Variants in DICER1 observed in about 807,000 individuals in gnomAD.
DICER1 encodes the protein endoribonuclease Dicer.
In DICER1, 43 loss-of-function variants were observed where a neutral mutation model predicts 194.1. That is an observed-to-expected ratio of 0.22 (90% CI 0.17 to 0.29). DICER1 has a LOEUF of 0.29. Among genes scored for constraint, DICER1 ranks in the 10% least tolerant of loss-of-function variants. The pLI, the probability that DICER1 is intolerant of heterozygous loss-of-function variation, is 1.00. For missense variants in DICER1, 1,608 were observed against 2,317.0 expected, an observed-to-expected ratio of 0.69 and a Z score of 6.28; for synonymous variants, 832 against 820.5, an observed-to-expected ratio of 1.01 and a Z score of -0.24.
At position 95,111,235 on chromosome 14, in the gene DICER1, C is replaced by G. The variant is rs1891925403; in HGVS notation, c.2256+82G>C. On this transcript the variant is annotated intron_variant, in intron 14 of 26. Transcript: ENST00000343455. ...AACTGTAAGGGTGTGGGAAGCCAGC[C>G]AAGCAGAGGAACTGAGATTTGATGT... is the stretch of plus-strand genomic sequence containing the variant. The G allele has an allele frequency of 9.0e-6, 14 of 1,560,368 alleles. No individual in the cohort carries two copies. The South Asian group carries it at 1.4e-4, about 16-fold the overall frequency.
At chr14:95,120,156 A>C (rs1002746939) in intron 8 of DICER1, among the ~76,000 whole-genome samples, 1 of 152,218 alleles carries the variant, frequency 6.6e-6, no homozygotes, top group African/African-American at 2.4e-5. Context: ...GGTTATTGAA[A>C]TACATTATCA....
intron 1 of DICER1, among the ~76,000 whole-genome samples, chr14:95,143,023 T>C (rs1341857284): frequency 2.0e-5 from 3 of 152,184 alleles, no homozygotes; most frequent in Non-Finnish European, 4.4e-5. Flanking sequence ...AATATTACCA[T>C]CCAGATTTCA....
chr14:95,132,686 A>G lies in DICER1; in HGVS notation c.145-9T>C, dbSNP rs763327342. 1.2e-6 allele frequency: 2 copies of G among 1,613,476 alleles called. No individual in the cohort carries two copies. Among genetic ancestry groups the G allele is most frequent in the Non-Finnish European group, 8.5e-7 (1 of 1,179,632 alleles). On this transcript the variant is annotated splice_polypyrimidine_tract_variant and intron_variant, in intron 2 of 26. Coordinates refer to ENST00000343455, the MANE Select transcript of DICER1 (RefSeq NM_177438.3). The stretch of plus-strand genomic sequence containing the variant: ...GCTTCAAGCAGTTCAACCTAGAAAC[A>G]TGGTGAAAAAAAAGTTATGCACTTC...
intron 1 of DICER1, among the ~76,000 whole-genome samples, chr14:95,156,617 C>T (rs1895886778): frequency 6.6e-6 from 1 of 152,240 alleles, no homozygotes; most frequent in African/African-American, 2.4e-5. Context: ...AAGAAAGGGT[C>T]CTCCGCAGGG....
At chr14:95,108,695 C>T (rs987397624) in intron 14 of DICER1, among the ~76,000 whole-genome samples, 192 bp from the exon 15 acceptor site, 3 of 152,202 alleles carry the variant, frequency 2.0e-5, no homozygotes, top group African/African-American at 7.2e-5. Context: ...GACAGGGCTG[C>T]TGACGGTGGC....
rs545392797 is a variant in DICER1 at position 95,096,026 on chromosome 14, A to G, written c.4894T>C (p.Ser1632Pro). Residue 1632 changes from serine (S) to proline (P), a missense_variant, in exon 23 of 27, where the codon TCT (serine) becomes CCT (proline). Coordinates refer to ENST00000343455, the MANE Select transcript of DICER1 (RefSeq NM_177438.3). ...CCATATTCCGAGTCTTTCAATACAG[A>G]AGAGCGTGAACTGGCCACAGAAGCA... Reference protein sequence around the residue: ...AAASVASSRSSVLKDSEYGCL... With the variant: ...AAASVASSRSPVLKDSEYGCL... 14 of 1,614,224 alleles carry G rather than the reference A, an allele frequency of 8.7e-6. No homozygotes were observed. The Admixed American group carries it at 2.2e-4, about 25-fold the overall frequency.
Position 95,092,357 on chromosome 14 carries a change from A to AT in DICER1, c.5365-993dup, listed in dbSNP as rs1214332731. 2.6e-5 allele frequency among the ~76,000 whole-genome samples: 4 copies of AT among 152,174 alleles called. No homozygotes were observed. In the East Asian group the frequency reaches 7.7e-4, roughly 29 times the overall value. On this transcript the variant is annotated intron_variant, in intron 24 of 26. Coordinates refer to ENST00000343455, the MANE Select transcript of DICER1 (RefSeq NM_177438.3). ...TAGCATAATCAGGCAAATTTAACTA[A>AT]TTTTCTTCTTATTTACTTGTACTAA...
intron 13 of DICER1, 68 bp from the exon 14 acceptor site, chr14:95,111,524 A>C (rs2140069718): frequency 1.3e-6 from 2 of 1,531,956 alleles, no homozygotes; most frequent in Non-Finnish European, 1.8e-6. Flanking sequence ...AGAATTTAGA[A>C]CAGAACTATG....
Position 95,094,400 on chromosome 14 carries a change from C to T in DICER1, c.5096-244G>A, listed in dbSNP as rs140437317. ...AATCTTCAAGTGGTCAAAAGACTAA[C>T]GCTTGTTAAGAAGGAAAAACAAAAC... On this transcript the variant is annotated intron_variant, in intron 23 of 26. Transcript: ENST00000343455. Among the ~76,000 whole-genome samples the T allele has an allele frequency of 2.4e-4, 36 of 152,258 alleles. No individual in the cohort carries two copies. In the East Asian group the frequency reaches 6.2e-3, roughly 26 times the overall value.
rs12890241 is a variant in DICER1 at position 95,131,203 on chromosome 14, T to G, written c.438+306A>C. Among the ~76,000 whole-genome samples, 33,511 of 151,864 alleles carry G rather than the reference T, an allele frequency of 0.22. 4,074 individuals are homozygous for G. The highest frequency in any genetic ancestry group is 0.31 in the African/African-American group (12,900 of 41,368). On this transcript the variant is annotated intron_variant, in intron 4 of 26. Coordinates refer to ENST00000343455, the MANE Select transcript of DICER1 (RefSeq NM_177438.3). ...CCACGCCCGGCTAATTTTTTTATTG[T>G]TAGTAGAGACAGGGTTTCACCATAT...
intron 14 of DICER1, among the ~76,000 whole-genome samples, chr14:95,110,676 T>TA (rs1211403261): frequency 6.6e-6 from 1 of 152,246 alleles, no homozygotes; most frequent in East Asian, 1.9e-4. Context: ...TTGGGGTTCT[T>TA]ATGAGGTAAA....
In DICER1 at chr14:95,107,758, T is replaced by C. The variant is rs1595379417; in HGVS notation, c.2654A>G (p.Asn885Ser). 4 of 1,613,314 alleles carry C rather than the reference T, an allele frequency of 2.5e-6. No homozygotes were observed. The highest frequency in any genetic ancestry group is 2.5e-6 in the Non-Finnish European group (3 of 1,179,740). The change falls in exon 17 of 27, where the codon AAT becomes AGT. Residue 885 changes from asparagine (N) to serine (S), a missense_variant. Physicochemically the swap from Asn to Ser is conservative, Grantham distance 46. Transcript: ENST00000343455. ...AYCVLPLNVV[N>S]DSSTLDIDFK... The stretch of plus-strand genomic sequence containing the variant: ...GTCAATATCCAAAGTGCTGGAGTCA[T>C]TAACTTAGAAGAGAAAAACGACTCT...
In DICER1 at chr14:95,091,288, C is replaced by T. The variant is rs759875628; in HGVS notation, c.5442G>A (p.Ser1814=). The change falls in exon 25 of 27, where the codon TCG becomes TCA. Residue 1814 remains serine, a synonymous_variant. Coordinates refer to ENST00000343455, the MANE Select transcript of DICER1 (RefSeq NM_177438.3). ...TATCCATGTAAATGGCACCAGCAAGCGACTCAAAAATATCCCCCATGGCCT... is the reference window on the plus strand; with the variant it reads ...TATCCATGTAAATGGCACCAGCAAGTGACTCAAAAATATCCCCCATGGCCT... ...VPKAMGDIFE[S]LAGAIYMDSG... is the part of the protein sequence containing the mutation. The T allele has an allele frequency of 3.1e-5, 50 of 1,613,912 alleles. No homozygotes were observed. The highest frequency in any genetic ancestry group is 5.5e-5 in the South Asian group (5 of 91,080).
intron 23 of DICER1, among the ~76,000 whole-genome samples, chr14:95,094,697 G>T (rs1245612926): frequency 2.0e-5 from 3 of 152,178 alleles, no homozygotes; most frequent in African/African-American, 7.2e-5. Context: ...TTCTTAACTT[G>T]AGCTATTATA....
In DICER1 at chr14:95,104,003, A is replaced by C. The variant is rs1566769181; in HGVS notation, c.3393T>G (p.Asn1131Lys). The C allele has an allele frequency of 1.2e-6, 2 of 1,614,148 alleles. No homozygotes were observed. The highest frequency in any genetic ancestry group is 2.2e-5 in the East Asian group (1 of 44,886). ...TTCTATTAGCACCTTGATGTGCAGCATTTTCAGGGACAATTGTGCTGTGCT... is the reference window on the plus strand; with the variant it reads ...TTCTATTAGCACCTTGATGTGCAGCCTTTTCAGGGACAATTGTGCTGTGCT... ...YCKHSTIVPENAAHQGANRTS... is the reference protein window; with the variant it reads ...YCKHSTIVPEKAAHQGANRTS... The change falls in exon 21 of 27, where the codon AAT (asparagine) becomes AAG (lysine). Residue 1131 changes from asparagine to lysine, a missense_variant. Physicochemically the swap from Asn to Lys is moderately conservative, Grantham distance 94 (BLOSUM62 0). Transcript: ENST00000343455.
chr14:95,103,670 G>A lies in DICER1; in HGVS notation c.3726C>T (p.Tyr1242=), dbSNP rs886037708. ...SDECTLLSNK[Y]LDGNANKSTS... ...TAGATTTGTTAGCATTTCCATCAAG[G>A]TATTTATTACTCAGGAGAGTACATT... The change falls in exon 21 of 27, where the codon TAC becomes TAT. Residue 1242 remains tyrosine (Y), a synonymous_variant. Coordinates refer to ENST00000343455, the MANE Select transcript of DICER1 (RefSeq NM_177438.3). 2 of 1,614,172 alleles carry A rather than the reference G, an allele frequency of 1.2e-6. No homozygotes were observed. The highest frequency in any genetic ancestry group is 8.5e-7 in the Non-Finnish European group (1 of 1,180,022).
intron 9 of DICER1, among the ~76,000 whole-genome samples, 166 bp downstream of exon 9, chr14:95,117,456 T>C (rs762874299): frequency 6.6e-6 from 1 of 152,218 alleles, no homozygotes; most frequent in Non-Finnish European, 1.5e-5. Context: ...CAAATCACTC[T>C]ACAGCTACCT....
Position 95,087,926 on chromosome 14 carries a change from T to G in DICER1, c.*2572A>C, listed in dbSNP as rs887676239. ...AAAGTGGGGCAACATAGAGTGATTT[T>G]TTTTTTCCTTAATTGACAGATGCAA... On this transcript the variant is annotated 3_prime_UTR_variant, in exon 27 of 27. Transcript: ENST00000343455. 1 of 233,046 alleles carries G rather than the reference T, an allele frequency of 4.3e-6. No homozygotes were observed. Among genetic ancestry groups the G allele is most frequent in the Non-Finnish European group, 8.5e-6 (1 of 118,002 alleles). The allele number at this position is 233,046 out of a possible 1,614,324, so 14.4% of individuals were successfully genotyped here.
At chr14:95,150,235 G>C (rs1369127497) in intron 1 of DICER1, among the ~76,000 whole-genome samples, 1 of 152,212 alleles carries the variant, frequency 6.6e-6, no homozygotes, top group Non-Finnish European at 1.5e-5. Flanking sequence ...TGCAATCCCA[G>C]CACTTTGGGA....
Sources: gnomAD v4.1 joint callset for allele counts (sites outside exome capture counted in the v4.1 genomes callset) on GRCh38, gnomAD v4.1.1 for gene constraint, MANE v1.5 for transcripts, NCBI Gene and HGNC (gene_info 2026-07-23, HGNC 2026-07-21) for gene names.